GYPC: variants seen among roughly 807,000 people sequenced by gnomAD.
The protein encoded by GYPC is glycophorin-C.
GYPC carries 14 observed loss-of-function variants against 12.6 expected under a neutral mutation model. The ratio of observed to expected loss-of-function variants is 1.11; its 90% CI spans 0.74 to 1.74. GYPC has a LOEUF of 1.74. Among genes scored for constraint, GYPC ranks in the 40% most tolerant of loss-of-function variants. The pLI is 0.00. For missense variants in GYPC, 225 were observed against 172.1 expected (o/e 1.31, Z -1.72); for synonymous variants, 78 against 62.1 (o/e 1.26, Z -1.20).
intron 1 of GYPC, chr2:126,686,438 A>C (rs979462543): frequency 2.0e-6 from 2 of 985,344 alleles, no homozygotes; most frequent in Non-Finnish European, 2.4e-6. Flanking sequence ...AGTAGGAATG[A>C]CTGTAGCCAA....
rs1359323505 is a variant in GYPC at position 126,696,254 on chromosome 2, A to T, written c.*112A>T. On this transcript the variant is annotated 3_prime_UTR_variant, in exon 4 of 4. Transcript: ENST00000259254. ...ACCAGACAGAGAGAGAGAGCACTTG[A>T]TTCTTCCCGAGATAGCCACCTGGAA... 1.2e-6 allele frequency: 1 copy of T among 834,430 alleles called. No homozygotes were observed. Among genetic ancestry groups the T allele is most frequent in the East Asian group, 2.7e-5 (1 of 37,650 alleles). The allele number at this position is 834,430 out of a possible 1,614,324, so 51.7% of individuals were successfully genotyped here.
intron 2 of GYPC, among the ~76,000 whole-genome samples, chr2:126,693,640 G>T (rs1370809815): frequency 6.6e-6 from 1 of 152,166 alleles, no homozygotes; most frequent in Non-Finnish European, 1.5e-5. Context: ...GTGACCTGGT[G>T]GTTCAGGTTC....
chr2:126,669,122 T>G (rs1030004769), intron 1 of GYPC, among the ~76,000 whole-genome samples: 1 of 152,246 alleles, frequency 6.6e-6, no homozygotes, highest in Non-Finnish European at 1.5e-5. Context: ...ATTAAAATCC[T>G]GTGCTTGAAG....
intron 3 of GYPC, among the ~76,000 whole-genome samples, chr2:126,695,010 A>C (rs905744428): frequency 1.3e-5 from 2 of 152,074 alleles, no homozygotes; most frequent in African/African-American, 2.4e-5. Context: ...CATCCTCTGC[A>C]TTACCCTCTC....
At chr2:126,686,036 C>G in intron 1 of GYPC, 2 of 985,332 alleles carry the variant, frequency 2.0e-6, no homozygotes, top group Non-Finnish European at 2.4e-6. Context: ...GTGGGGAACC[C>G]CTTCAACAAC....
chr2:126,674,455 TG>T (rs776917858), intron 1 of GYPC, among the ~76,000 whole-genome samples: 12 of 63,848 alleles, frequency 1.9e-4, no homozygotes, highest in Middle Eastern at 7.6e-3. Context: ...GGGAAACAAG[TG>T]GGGGGGGAAT....
rs148577652 is a variant in GYPC, at chr2:126,696,524, C to G, written c.*382C>G. On this transcript the variant is annotated 3_prime_UTR_variant, in exon 4 of 4. Coordinates refer to ENST00000259254, the MANE Select transcript of GYPC (RefSeq NM_002101.5). Reference sequence around the variant, plus strand: ...GGGCTGGGGAAGCAAGGAAATAAGTCATCTGTATGCTGACTGGGGATAATG... The same window carrying G: ...GGGCTGGGGAAGCAAGGAAATAAGTGATCTGTATGCTGACTGGGGATAATG... The G allele has an allele frequency of 4.8e-3, 1,615 of 337,974 alleles. 27 individuals are homozygous for G. Among genetic ancestry groups the G allele is most frequent in the African/African-American group, 0.032 (1,495 of 46,880 alleles). 20.9% of individuals were successfully genotyped at this position (337,974 alleles called of 1,614,324 possible).
chr2:126,692,398 A>C (rs973442347), intron 2 of GYPC, among the ~76,000 whole-genome samples: 4 of 152,136 alleles, frequency 2.6e-5, no homozygotes, highest in African/African-American at 9.7e-5. Context: ...TCCAGCAGGC[A>C]GTTACTTATA....
intron 1 of GYPC, among the ~76,000 whole-genome samples, chr2:126,684,550 G>A (rs1683233889): frequency 6.6e-6 from 1 of 152,158 alleles, no homozygotes; most frequent in Admixed American, 6.5e-5. Flanking sequence ...ACCTCTTCAG[G>A]AAGCCTTTCC....
chr2:126,667,805 T>C (rs1258094714), intron 1 of GYPC, among the ~76,000 whole-genome samples: 2 of 152,246 alleles, frequency 1.3e-5, no homozygotes, highest in East Asian at 1.9e-4. Flanking sequence ...GTGAATACAG[T>C]CAAGAGCCCC....
chr2:126,662,981 C>G (rs947550127), intron 1 of GYPC, among the ~76,000 whole-genome samples: 26 of 152,144 alleles, frequency 1.7e-4, no homozygotes, highest in Admixed American at 3.9e-4. Context: ...CTGTGTGGTC[C>G]CACAGAGACC....
intron 1 of GYPC, among the ~76,000 whole-genome samples, chr2:126,667,085 T>C (rs1682703753): frequency 6.6e-6 from 1 of 152,162 alleles, no homozygotes; most frequent in Non-Finnish European, 1.5e-5. Context: ...GAATATCTCC[T>C]CATAGCCTCT....
intron 1 of GYPC, among the ~76,000 whole-genome samples, chr2:126,681,411 T>G (rs1173380891): frequency 6.6e-6 from 1 of 152,186 alleles, no homozygotes; most frequent in Non-Finnish European, 1.5e-5. Context: ...TCTCTTCAAT[T>G]TTTCATTTTA....
intron 2 of GYPC, among the ~76,000 whole-genome samples, chr2:126,690,520 C>T (rs1292080276): frequency 6.6e-6 from 1 of 152,098 alleles, no homozygotes; most frequent in Non-Finnish European, 1.5e-5. Flanking sequence ...GGAGTCTACC[C>T]CTGGGTAAAT....
chr2:126,686,744 T>A, intron 1 of GYPC: 1 of 958,740 alleles, frequency 1.0e-6, no homozygotes, highest in Non-Finnish European at 1.2e-6. Flanking sequence ...ATAGGTCCTC[T>A]CATGTCTGTC....
chr2:126,686,747 T>G (rs1683302699), intron 1 of GYPC: 2 of 952,354 alleles, frequency 2.1e-6, no homozygotes, highest in Non-Finnish European at 2.5e-6. Flanking sequence ...GGTCCTCTCA[T>G]GTCTGTCCAA....
intron 1 of GYPC, among the ~76,000 whole-genome samples, chr2:126,662,624 A>G (rs1682563901): frequency 6.6e-6 from 1 of 152,160 alleles, no homozygotes; most frequent in Admixed American, 6.5e-5. Context: ...TGTCACTGCT[A>G]TCTTCAAATT....
In GYPC at chr2:126,690,322, A is replaced by T. The variant is rs767623359; in HGVS notation, c.106+11A>T. 1 of 1,591,600 alleles carries T rather than the reference A, an allele frequency of 6.3e-7. No individual in the cohort carries two copies. Among genetic ancestry groups the T allele is most frequent in the East Asian group, 2.2e-5 (1 of 44,744 alleles). ...CTACCACCATTGCAGGTGAGTTCTC[A>T]TCACAGAGCCTCACCATAATGGAAA... On this transcript the variant is annotated intron_variant, in intron 2 of 3. Coordinates refer to ENST00000259254, the MANE Select transcript of GYPC (RefSeq NM_002101.5).
intron 1 of GYPC, among the ~76,000 whole-genome samples, chr2:126,682,827 C>T (rs143057055): frequency 9.1e-4 from 138 of 152,322 alleles, no homozygotes; most frequent in Middle Eastern, 3.4e-3. Context: ...CAGTCCCTAC[C>T]CATCTCCAGC....
Sources: gnomAD v4.1 joint callset for allele counts (sites outside exome capture counted in the v4.1 genomes callset) on GRCh38, gnomAD v4.1.1 for gene constraint, MANE v1.5 for transcripts, NCBI Gene and HGNC (gene_info 2026-07-23, HGNC 2026-07-21) for gene names.